HCFC1: variants seen among roughly 807,000 people sequenced by gnomAD.
HCFC1 encodes host cell factor C1.
HCFC1 carries 7 observed loss-of-function variants against 105.5 expected under a neutral mutation model. The ratio of observed to expected loss-of-function variants is 0.07; its 90% CI spans 0.04 to 0.12. The LOEUF is 0.12. HCFC1 is among the 10% of genes least tolerant of loss of function. The pLI, the probability that HCFC1 is intolerant of heterozygous loss-of-function variation, is 1.00. For missense variants in HCFC1, 1,065 were observed against 1,823.6 expected, an observed-to-expected ratio of 0.58 and a Z score of 7.58; for synonymous variants, 918 against 828.1, an observed-to-expected ratio of 1.11 and a Z score of -1.86.
At chrX:153,953,859 G>A (rs1035069163) in intron 17 of HCFC1, 89 bp from the exon 18 acceptor site, 92 of 1,012,934 alleles carry the variant, frequency 9.1e-5, no homozygotes, top group Non-Finnish European at 1.2e-4. Context: ...CTACCACCAA[G>A]GGGAGGGCCA....
intron 24 of HCFC1, 101 bp downstream of exon 24, chrX:153,950,142 G>A (rs920870131): frequency 1.6e-5 from 14 of 885,514 alleles, no homozygotes; most frequent in East Asian, 6.6e-5. Context: ...GCAGGGAGAC[G>A]CCGCACATGG....
In HCFC1 at chrX:153,951,569, C is replaced by T. The variant is rs371712410; in HGVS notation, c.5379+20G>A. 60 of 1,202,112 alleles carry T rather than the reference C, an allele frequency of 5.0e-5. No individual in the cohort carries two copies. The highest frequency in any genetic ancestry group is 6.2e-5 in the Non-Finnish European group (55 of 888,418). Reference sequence around the variant, plus strand: ...GCCCCCCAGGCCACGGACTCAGGAGCCCCAACACACCCGACTCACCACACC... The same window carrying T: ...GCCCCCCAGGCCACGGACTCAGGAGTCCCAACACACCCGACTCACCACACC... On this transcript the variant is annotated intron_variant, in intron 21 of 25. Transcript: ENST00000310441.
intron 15 of HCFC1, 35 bp downstream of exon 15, chrX:153,956,589 TA>T (rs1557115046): frequency 8.3e-7 from 1 of 1,205,333 alleles, no homozygotes; most frequent in Non-Finnish European, 1.1e-6. Flanking sequence ...CGTTATAATC[TA>T]GGGGTGGCAG....
rs200527887 is a variant in HCFC1 at position 153,950,233 on chromosome X, G to C, written c.6004+10C>G. 1 of 1,157,196 alleles carries C rather than the reference G, an allele frequency of 8.6e-7. No individual in the cohort carries two copies. The highest frequency in any genetic ancestry group is 1.8e-5 in the African/African-American group (1 of 56,239). On this transcript the variant is annotated intron_variant, in intron 24 of 25. Transcript: ENST00000310441. ...CCCTGTGCCTGAAGAGCTCCACGAA[G>C]GACACTCACCCTGCAGCCACCTCAC...
Position 153,950,557 on chromosome X carries a change from G to C in HCFC1, c.5704-14C>G, listed in dbSNP as rs1557112194. The C allele has an allele frequency of 8.7e-7, 1 of 1,144,417 alleles. No individual in the cohort carries two copies. The highest frequency in any genetic ancestry group is 1.2e-6 in the Non-Finnish European group (1 of 860,358). 94.3% of individuals were successfully genotyped at this position (1,144,417 alleles called of 1,213,427 possible). On this transcript the variant is annotated splice_polypyrimidine_tract_variant and intron_variant, in intron 23 of 25. Coordinates refer to ENST00000310441, the MANE Select transcript of HCFC1 (RefSeq NM_005334.3). ...ACCATCCGGACTCTAGAAGCCAGGGGGTCAGAAGGTCAACAGAACAGGCTA... is the reference window on the plus strand; with the variant it reads ...ACCATCCGGACTCTAGAAGCCAGGGCGTCAGAAGGTCAACAGAACAGGCTA...
intron 22 of HCFC1, 73 bp downstream of exon 22, chrX:153,951,277 C>A (rs1557112351): frequency 8.9e-7 from 1 of 1,128,096 alleles, no homozygotes. Flanking sequence ...GGAGGAGTTT[C>A]CTGTAAGCCC....
chrX:153,964,019 C>T (rs2065453202), intron 3 of HCFC1, 105 bp downstream of exon 3: 2 of 699,549 alleles, frequency 2.9e-6, no homozygotes, highest in Non-Finnish European at 4.0e-6. Context: ...GAAAGGGACC[C>T]GGCCACGGGG....
At chrX:153,970,522 G>A (rs1446809162) in intron 1 of HCFC1, 126 bp downstream of exon 1, 39 of 459,168 alleles carry the variant, frequency 8.5e-5, no homozygotes, top group Middle Eastern at 4.7e-4. Context: ...AAGGGTAGAG[G>A]GTGAGGGAGG....
rs781787774 is a variant in HCFC1 at position 153,959,876 on chromosome X, G to A, written c.1370C>T (p.Thr457Ile). Reference protein sequence around the residue: ...LLPQAAPAPPTTTTIQVLPTV... With the variant: ...LLPQAAPAPPITTTIQVLPTV... The stretch of plus-strand genomic sequence containing the variant: ...TGGCAAGACCTGGATGGTGGTGGTG[G>A]TCGGGGGTGCGGGGGCAGCCTGGGG... Residue 457 changes from threonine to isoleucine, a missense_variant, in exon 8 of 26, where the codon ACC becomes ATC. Physicochemically the swap from Thr to Ile is moderately conservative, Grantham distance 89. Around this residue, in one of 17 missense-constraint regions of HCFC1, gnomAD observed 101 missense variants for 155.1 expected, o/e 0.65. Coordinates refer to ENST00000310441, the MANE Select transcript of HCFC1 (RefSeq NM_005334.3). The A allele has an allele frequency of 7.5e-6, 9 of 1,196,846 alleles. No individual in the cohort carries two copies. Among genetic ancestry groups the A allele is most frequent in the South Asian group, 1.8e-5 (1 of 55,178 alleles).
chrX:153,950,981 GACGGTGCCC>G lies in HCFC1; in HGVS notation c.5526_5534del (p.Leu1842_Val1845delinsPhe). Reference sequence around the variant, plus strand: ...GCTTCTTCAGCTGGTTATAGTCAGGGACGGTGCCCAAATCATCCTAGGAAAAGAGGAGTG... The same window carrying G: ...GCTTCTTCAGCTGGTTATAGTCAGGGAAATCATCCTAGGAAAAGAGGAGTG... On this transcript the variant is annotated inframe_deletion, in exon 23 of 26. Coordinates refer to ENST00000310441, the MANE Select transcript of HCFC1 (RefSeq NM_005334.3). 2 of 1,210,474 alleles carry G rather than the reference GACGGTGCCC, an allele frequency of 1.7e-6. No individual in the cohort carries two copies. The highest frequency in any genetic ancestry group is 3.5e-5 in the South Asian group (2 of 57,013).
chrX:153,955,298 A>C lies in HCFC1; in HGVS notation c.3101T>G (p.Val1034Gly). The C allele has an allele frequency of 8.3e-7, 1 of 1,201,960 alleles. No individual in the cohort carries two copies. Among genetic ancestry groups the C allele is most frequent in the African/African-American group, 1.8e-5 (1 of 54,456 alleles). The stretch of plus-strand genomic sequence containing the variant: ...CTGGGGGTGTCCCCCAAGGTTAGCC[A>C]CAACAGTAGTGGTGGCCGTGTTGGT... Reference protein sequence around the residue: ...GTTNTATTTVVANLGGHPQPT... With the variant: ...GTTNTATTTVGANLGGHPQPT... The change falls in exon 17 of 26, where the codon GTG (valine) becomes GGG (glycine). Residue 1034 changes from valine (V) to glycine (G), a missense_variant. Val to Gly is a moderately radical substitution (Grantham distance 109). Around this residue, in one of 17 missense-constraint regions of HCFC1, gnomAD observed 546 missense variants for 599.9 expected, o/e 0.91. Coordinates refer to ENST00000310441, the MANE Select transcript of HCFC1 (RefSeq NM_005334.3).
At chrX:153,957,114 C>T (rs1311859616) in intron 13 of HCFC1, 54 bp from the exon 14 acceptor site, 51 of 1,155,051 alleles carry the variant, frequency 4.4e-5, no homozygotes, top group Admixed American at 9.0e-5. Context: ...GCTGCCCCTG[C>T]TGCCCCTAGA....
chrX:153,967,498 G>C (rs1557118640), intron 1 of HCFC1, among the ~76,000 whole-genome samples: 1 of 112,240 alleles, frequency 8.9e-6, no homozygotes, highest in Non-Finnish European at 1.9e-5. Flanking sequence ...CTTCCTCTCT[G>C]TTCTACCTGT....
Position 153,951,869 on chromosome X carries a change from C to A in HCFC1, c.5232G>T (p.Val1744=), listed in dbSNP as rs782611570. The A allele has an allele frequency of 1.7e-6, 2 of 1,195,622 alleles. No homozygotes were observed. The highest frequency in any genetic ancestry group is 2.3e-6 in the Non-Finnish European group (2 of 886,405). Residue 1744 remains valine, a synonymous_variant, in exon 20 of 26, where the codon GTG becomes GTT. Coordinates refer to ENST00000310441, the MANE Select transcript of HCFC1 (RefSeq NM_005334.3). ...CAGTGGCCGTTGAGGGCAGCAGCGC[C>A]ACAGTGCTGGGGACCGTGCCGGCCA... ...NELAGTVPST[V]ALLPSTATES... is the part of the protein sequence containing the mutation.
rs782560491 is a variant in HCFC1 at position 153,952,936 on chromosome X, G to A, written c.4520C>T (p.Ser1507Leu). The A allele has an allele frequency of 1.3e-5, 15 of 1,174,549 alleles. No homozygotes were observed. The highest frequency in any genetic ancestry group is 1.8e-5 in the African/African-American group (1 of 56,545). Residue 1507 changes from serine to leucine, a missense_variant, in exon 19 of 26, where the codon TCG (serine) becomes TTG (leucine). Ser to Leu is a moderately radical substitution (Grantham distance 145). Coordinates refer to ENST00000310441, the MANE Select transcript of HCFC1 (RefSeq NM_005334.3). ...CGGCAGCTGCTGGCGAGGACCTGGC[G>A]ACACCTGGAGTTCCTCTGGGGGCTG... ...SVPPPEELQV[S>L]PGPRQQLPPR...
chrX:153,970,536 TGGAG>T, intron 1 of HCFC1, 108 bp downstream of exon 1: 2 of 366,720 alleles, frequency 5.5e-6, no homozygotes, highest in Non-Finnish European at 8.7e-6. Flanking sequence ...AGGGAGGAGA[TGGAG>T]GGAGGGAGGA....
intron 1 of HCFC1, 127 bp downstream of exon 1, chrX:153,970,521 G>GGGTGAGGGAGGAGAT: frequency 2.1e-6 from 1 of 465,839 alleles, no homozygotes; most frequent in Non-Finnish European, 3.7e-6. Context: ...GAAGGGTAGA[G>GGGTGAGGGAGGAGAT]GGTGAGGGAG....
Position 153,954,214 on chromosome X carries a change from C to T in HCFC1, c.4185G>A (p.Ala1395=), listed in dbSNP as rs2071133. 264,780 of 1,205,918 alleles carry T rather than the reference C, an allele frequency of 0.22. 27,269 individuals carry two copies. Among genetic ancestry groups the T allele is most frequent in the East Asian group, 0.75 (25,173 of 33,588 alleles). Residue 1395 remains alanine (A), a synonymous_variant, in exon 17 of 26, where the codon GCG becomes GCA. Coordinates refer to ENST00000310441, the MANE Select transcript of HCFC1 (RefSeq NM_005334.3). ...CAGCCTGGGGGGTGACGCTGGGTGC[C>T]GCCGCCACCTCTAGGCCAGACTCCA... The part of the protein sequence containing the change: ...RTVESGLEVA[A]APSVTPQAGT...
chrX:153,969,440 A>G (rs1557119335), intron 1 of HCFC1: 1 of 112,046 alleles, frequency 8.9e-6, no homozygotes, highest in Non-Finnish European at 1.9e-5. Context: ...AGCCGCCTGC[A>G]GGGGGCTTTT....
Sources: allele counts gnomAD v4.1 joint callset (sites outside exome capture counted in the v4.1 genomes callset), GRCh38; gene constraint gnomAD v4.1.1; regional missense constraint gnomAD v4.1.1; transcripts MANE v1.5; gene names NCBI Gene and HGNC (gene_info 2026-07-23, HGNC 2026-07-21).